ATP2C2: variants seen among roughly 807,000 people sequenced by gnomAD.
ATP2C2 encodes ATPase secretory pathway Ca2+ transporting 2, also known as calcium-transporting ATPase type 2C member 2.
Under a neutral mutation model 110.8 loss-of-function variants are expected in ATP2C2, and 171 were observed. That is an observed-to-expected ratio of 1.54 (90% confidence interval 1.36 to 1.75). The LOEUF (loss-of-function observed/expected upper bound fraction) is 1.75. Ranked by LOEUF, ATP2C2 falls within the 40% of genes most tolerant of loss-of-function variation. ATP2C2 has a pLI of 0.00. For missense variants in ATP2C2, 1,963 were observed against 1,235.0 expected (o/e 1.59, Z -8.84); for synonymous variants, 804 against 508.4 (o/e 1.58, Z -7.82).
At chr16:84,460,499 CGAG>C (rs745879924) in intron 23 of ATP2C2, 152 bp from the exon 24 acceptor site, 7 of 1,005,922 alleles carry the variant, frequency 7.0e-6, no homozygotes, top group South Asian at 1.3e-5. Flanking sequence ...TGGAAGGTGC[CGAG>C]GAGGGCAGGT....
chr16:84,444,499 C>T (rs537549432), intron 15 of ATP2C2, among the ~76,000 whole-genome samples: 8 of 152,246 alleles, frequency 5.3e-5, no homozygotes, highest in East Asian at 1.9e-4. Flanking sequence ...ATCATGACAT[C>T]GTATTATTTT....
intron 1 of ATP2C2, among the ~76,000 whole-genome samples, chr16:84,372,324 C>G (rs1357194665): frequency 6.6e-6 from 1 of 152,178 alleles, no homozygotes; most frequent in Non-Finnish European, 1.5e-5. Flanking sequence ...AATTCTGAGG[C>G]TCATGCACAC....
chr16:84,404,135 C>T (rs1905543132), intron 2 of ATP2C2, among the ~76,000 whole-genome samples: 1 of 152,220 alleles, frequency 6.6e-6, no homozygotes, highest in Non-Finnish European at 1.5e-5. Context: ...GGAATATCCC[C>T]ACGTTCAGGT....
intron 11 of ATP2C2, among the ~76,000 whole-genome samples, chr16:84,427,632 G>T (rs1005736450): frequency 1.3e-5 from 2 of 152,120 alleles, no homozygotes; most frequent in African/African-American, 4.8e-5. Flanking sequence ...CAGAAGAATC[G>T]CTTGAGCCCG....
In ATP2C2 at chr16:84,390,091, G is replaced by C. The variant is rs1904561298; in HGVS notation, c.100-8408G>C. On this transcript the variant is annotated intron_variant, in intron 1 of 26. Coordinates refer to ENST00000262429, the MANE Select transcript of ATP2C2 (RefSeq NM_014861.4). ...TATACCCTTAGCCCCCCACATTCCA[G>C]GGGAGGAAACTGAGGCACGGGCTAG... Among the ~76,000 whole-genome samples, 3 of 152,194 alleles carry C rather than the reference G, an allele frequency of 2.0e-5. No homozygotes were observed. In the South Asian group the frequency reaches 6.2e-4, roughly 32 times the overall value.
chr16:84,451,562 G>A (rs949567173), intron 17 of ATP2C2, among the ~76,000 whole-genome samples: 4 of 152,182 alleles, frequency 2.6e-5, no homozygotes, highest in African/African-American at 7.2e-5. Context: ...AAAGGGCTGC[G>A]CACGTTGCCT....
chr16:84,434,931 C>A (rs550711538), intron 11 of ATP2C2, among the ~76,000 whole-genome samples: 1 of 152,354 alleles, frequency 6.6e-6, no homozygotes, highest in East Asian at 1.9e-4. Context: ...TCGTAACCCT[C>A]CACAAATGTT....
intron 1 of ATP2C2, among the ~76,000 whole-genome samples, chr16:84,384,782 G>T (rs1904298907): frequency 6.6e-6 from 1 of 152,164 alleles, no homozygotes; most frequent in Admixed American, 6.5e-5. Context: ...GGGCATGGTG[G>T]CTCATGCCTG....
chr16:84,440,601 C>G (rs1190252546), intron 13 of ATP2C2, among the ~76,000 whole-genome samples: 1 of 152,224 alleles, frequency 6.6e-6, no homozygotes, highest in Admixed American at 6.5e-5. Flanking sequence ...TCTTAGTTTT[C>G]TTAACCATCA....
chr16:84,380,019 C>T (rs932701084), intron 1 of ATP2C2, among the ~76,000 whole-genome samples: 6 of 152,144 alleles, frequency 3.9e-5, no homozygotes, highest in East Asian at 1.9e-4. Context: ...TTGGGCTACA[C>T]GTGCTCCTGC....
rs180864274 is a variant in ATP2C2, at chr16:84,439,230, G to C, written c.1051G>C (p.Val351Leu). ...IVVMVTLVLG[V>L]LRMAKKRVIV... ...CGTCATGGTGACGCTGGTCCTGGGA[G>C]TGCTGCGGATGGCCAAGAAGCGGGT... Residue 351 changes from valine to leucine, a missense_variant, in exon 12 of 27, where the codon GTG becomes CTG. Val to Leu is a conservative substitution (Grantham distance 32). Transcript: ENST00000262429. The C allele has an allele frequency of 3.7e-6, 6 of 1,612,238 alleles. No homozygotes were observed. The highest frequency in any genetic ancestry group is 2.2e-5 in the South Asian group (2 of 91,004).
At chr16:84,395,808 C>T (rs1239127401) in intron 1 of ATP2C2, among the ~76,000 whole-genome samples, 1 of 152,132 alleles carries the variant, frequency 6.6e-6, no homozygotes, top group Non-Finnish European at 1.5e-5. Context: ...CCCTTTTCTT[C>T]TGGATTTTTA....
intron 11 of ATP2C2, among the ~76,000 whole-genome samples, chr16:84,433,551 C>T (rs1346825928): frequency 6.6e-6 from 1 of 152,010 alleles, no homozygotes; most frequent in Non-Finnish European, 1.5e-5. Context: ...TACTCAGGGG[C>T]TGAGGCAGGA....
At chr16:84,417,534 C>T (rs1906948427) in intron 7 of ATP2C2, among the ~76,000 whole-genome samples, 1 of 152,172 alleles carries the variant, frequency 6.6e-6, no homozygotes, top group South Asian at 2.1e-4. Flanking sequence ...TTTGAAACAA[C>T]TTTTTAGACC....
At chr16:84,412,455 T>C (rs1906438668) in intron 6 of ATP2C2, among the ~76,000 whole-genome samples, 1 of 124,568 alleles carries the variant, frequency 8.0e-6, no homozygotes, top group South Asian at 2.7e-4. Context: ...TGTGTGTCTG[T>C]GTCTCCGTGT....
intron 16 of ATP2C2, 138 bp from the exon 17 acceptor site, chr16:84,448,395 C>T (rs576873775): frequency 3.6e-6 from 4 of 1,104,672 alleles, no homozygotes; most frequent in South Asian, 3.7e-5. Flanking sequence ...CACCTGTGAA[C>T]AGCACCAGCC....
chr16:84,376,911 C>A (rs1483512802), intron 1 of ATP2C2, among the ~76,000 whole-genome samples: 4 of 152,168 alleles, frequency 2.6e-5, no homozygotes, highest in Non-Finnish European at 5.9e-5. Flanking sequence ...GGGTTCTTGT[C>A]GGAGAGGAAA....
At chr16:84,436,883 C>T (rs1276730436) in intron 11 of ATP2C2, among the ~76,000 whole-genome samples, 2 of 151,800 alleles carry the variant, frequency 1.3e-5, no homozygotes, top group Non-Finnish European at 2.9e-5. Context: ...CTGCCTCAGC[C>T]TCCCGAGTAG....
intron 2 of ATP2C2, among the ~76,000 whole-genome samples, chr16:84,403,190 T>C (rs1905454809): frequency 6.6e-6 from 1 of 152,216 alleles, no homozygotes; most frequent in Non-Finnish European, 1.5e-5. Context: ...TTAGCCTGGC[T>C]AAAGGTTTGT....
Sources: gnomAD v4.1 joint callset for allele counts (sites outside exome capture counted in the v4.1 genomes callset) on GRCh38, gnomAD v4.1.1 for gene constraint, MANE v1.5 for transcripts, NCBI Gene and HGNC (gene_info 2026-07-23, HGNC 2026-07-21) for gene names.